Variants in EPHA4 observed in about 807,000 individuals in gnomAD.
EPHA4 encodes EPH receptor A4.
Under a neutral mutation model 108.3 loss-of-function variants are expected in EPHA4, and 19 were observed. That is an observed-to-expected ratio of 0.18 (90% CI 0.12 to 0.26). The LOEUF is 0.26. EPHA4 is among the 10% of genes least tolerant of loss of function. EPHA4 has a pLI of 1.00. For synonymous variants in EPHA4, 449 were observed against 455.5 expected (o/e 0.99, Z 0.18); for missense variants, 917 against 1,254.0 (o/e 0.73, Z 4.06).
chr2:221,457,774 G>A, intron 6 of EPHA4, 92 bp downstream of exon 6: 1 of 1,376,052 alleles, frequency 7.3e-7, no homozygotes, highest in East Asian at 2.4e-5. Flanking sequence ...AGAAGAGAGG[G>A]AGGGAGGGAG....
chr2:221,445,355 C>T (rs573686146), intron 9 of EPHA4, among the ~76,000 whole-genome samples: 23 of 151,942 alleles, frequency 1.5e-4, no homozygotes, highest in African/African-American at 4.8e-4. Flanking sequence ...TTTGGGAGGC[C>T]GAGGCGGGCG....
At chr2:221,519,979 C>T (rs975491689) in intron 3 of EPHA4, among the ~76,000 whole-genome samples, 12 of 151,996 alleles carry the variant, frequency 7.9e-5, no homozygotes, top group Admixed American at 2.0e-4. Flanking sequence ...GGTGTCTCTT[C>T]TTTTCTCTTT....
In EPHA4 at chr2:221,436,299, C is replaced by G. The variant is rs937297251; in HGVS notation, c.2346+100G>C. On this transcript the variant is annotated intron_variant, in intron 13 of 17. Transcript: ENST00000281821. ...GAGGAGGCTTCAAGGGATGAGAAAA[C>G]TTAAAAAATAAAAAAATTACAAAGG... 6.1e-6 allele frequency: 7 copies of G among 1,153,198 alleles called. No homozygotes were observed. The African/African-American group carries it at 9.4e-5, about 15-fold the overall frequency. 71.4% of individuals were successfully genotyped at this position (1,153,198 alleles called of 1,614,324 possible).
At chr2:221,511,614 T>C (rs889982697) in intron 3 of EPHA4, among the ~76,000 whole-genome samples, 4 of 152,222 alleles carry the variant, frequency 2.6e-5, no homozygotes, top group Non-Finnish European at 4.4e-5. Flanking sequence ...GGGCTGCCAA[T>C]TCACATATCA....
intron 1 of EPHA4, 70 bp from the exon 2 acceptor site, chr2:221,568,855 C>T (rs1478306830): frequency 1.5e-6 from 2 of 1,349,976 alleles, no homozygotes; most frequent in East Asian, 2.3e-5. Flanking sequence ...AACCATTTGC[C>T]TGAGCGTTTC....
rs1694832382 is a variant in EPHA4 at position 221,571,370 on chromosome 2, C to T, written c.91+788G>A. ...CAGACACACAGGCACATACAATCCT[C>T]CCAGCACGTCCGAACGGATGCACAG... On this transcript the variant is annotated intron_variant, in intron 1 of 17. Coordinates refer to ENST00000281821, the MANE Select transcript of EPHA4 (RefSeq NM_004438.5). This position sits in a 1 kb window ranked among gnomAD's most constrained non-coding sequence, Gnocchi z 6.3. Among the ~76,000 whole-genome samples, 3 of 147,116 alleles carry T rather than the reference C, an allele frequency of 2.0e-5. No homozygotes were observed. In the South Asian group the frequency reaches 7.1e-4, roughly 35 times the overall value.
chr2:221,486,575 T>TA (rs1263029320), intron 4 of EPHA4, among the ~76,000 whole-genome samples: 13 of 149,958 alleles, frequency 8.7e-5, no homozygotes, highest in South Asian at 4.2e-4. Flanking sequence ...TAAAAATACA[T>TA]AAAAAAAAAT....
At chr2:221,464,482 T>C (rs1432474534) in intron 5 of EPHA4, among the ~76,000 whole-genome samples, 1 of 152,212 alleles carries the variant, frequency 6.6e-6, no homozygotes, top group African/African-American at 2.4e-5. Context: ...TAATATTAAT[T>C]GTTTTCTTCT....
intron 4 of EPHA4, among the ~76,000 whole-genome samples, chr2:221,492,103 G>A (rs577225485): frequency 2.1e-4 from 32 of 152,304 alleles, no homozygotes; most frequent in Non-Finnish European, 4.6e-4. Flanking sequence ...AATAACCACT[G>A]TATGACTTCC....
chr2:221,473,551 G>GCA (rs1691557346), intron 5 of EPHA4, among the ~76,000 whole-genome samples: 2 of 30,576 alleles, frequency 6.5e-5, no homozygotes, highest in African/African-American at 3.1e-4. Context: ...GGTGTTTAAA[G>GCA]GAAAAAAAAA....
chr2:221,487,835 C>A (rs1253238824), intron 4 of EPHA4, among the ~76,000 whole-genome samples: 1 of 151,638 alleles, frequency 6.6e-6, no homozygotes, highest in Non-Finnish European at 1.5e-5. Context: ...GTGCCTGCAC[C>A]CAAAAATGAA....
chr2:221,529,381 C>G (rs1436106047), intron 3 of EPHA4, among the ~76,000 whole-genome samples: 2 of 152,122 alleles, frequency 1.3e-5, no homozygotes, highest in Non-Finnish European at 2.9e-5. Flanking sequence ...CTTCCTCTCT[C>G]CACCAGGAAT....
At chr2:221,497,302 A>T (rs1692327080) in intron 4 of EPHA4, among the ~76,000 whole-genome samples, 1 of 152,154 alleles carries the variant, frequency 6.6e-6, no homozygotes, top group African/African-American at 2.4e-5. Flanking sequence ...GGTGAGGGTA[A>T]ACTCTCTCTG....
intron 8 of EPHA4, among the ~76,000 whole-genome samples, chr2:221,448,945 G>A (rs553615189): frequency 6.9e-4 from 105 of 152,290 alleles, no homozygotes; most frequent in African/African-American, 2.4e-3. Context: ...TATGTGCAAA[G>A]CCAGAGGAAA....
intron 13 of EPHA4, 77 bp from the exon 14 acceptor site, chr2:221,434,368 G>T: frequency 6.7e-7 from 1 of 1,499,188 alleles, no homozygotes; most frequent in Non-Finnish European, 9.1e-7. Context: ...TGTAGTTCCT[G>T]CTAGCCAAGC....
At chr2:221,457,721 G>A in intron 6 of EPHA4, 145 bp downstream of exon 6, 1 of 829,424 alleles carries the variant, frequency 1.2e-6, no homozygotes, top group South Asian at 2.0e-5. Flanking sequence ...AGAAGGGAGG[G>A]AGCAAAGGAG....
chr2:221,428,633 T>C (rs139538555), intron 15 of EPHA4, among the ~76,000 whole-genome samples: 1 of 152,234 alleles, frequency 6.6e-6, no homozygotes, highest in African/African-American at 2.4e-5. Context: ...GTCAGCTAGA[T>C]CTGGAAAGGA....
intron 3 of EPHA4, among the ~76,000 whole-genome samples, chr2:221,541,810 A>G (rs1693848350): frequency 6.6e-6 from 1 of 152,202 alleles, no homozygotes; most frequent in Non-Finnish European, 1.5e-5. Context: ...TTTGTACATT[A>G]CAAGTACAGC....
At chr2:221,551,223 T>G (rs556737474) in intron 3 of EPHA4, among the ~76,000 whole-genome samples, 1 of 152,226 alleles carries the variant, frequency 6.6e-6, no homozygotes, top group African/African-American at 2.4e-5. Context: ...CTTATTAGTA[T>G]TCACAAGATA....
Sources: allele counts gnomAD v4.1 joint callset (sites outside exome capture counted in the v4.1 genomes callset), GRCh38; gene constraint gnomAD v4.1.1; non-coding constraint Gnocchi (gnomAD v3.1); transcripts MANE v1.5; gene names NCBI Gene and HGNC (gene_info 2026-07-23, HGNC 2026-07-21).